The following LRGUK variants were observed in gnomAD, a reference collection of about 807,000 sequenced individuals.
LRGUK encodes leucine rich repeats and guanylate kinase domain containing.
In LRGUK, 65 loss-of-function variants were observed where a neutral mutation model predicts 76.0. That is an observed-to-expected ratio of 0.85 (90% CI 0.70 to 1.05). The LOEUF (loss-of-function observed/expected upper bound fraction) is 1.05, where lower values mean the gene tolerates loss of function less well. LRGUK is among the 50% of genes least tolerant of loss of function. The pLI is 0.00. For synonymous variants in LRGUK, 268 were observed against 265.6 expected (o/e 1.01, Z -0.09); for missense variants, 758 against 732.8 (o/e 1.03, Z -0.40).
At chr7:134,127,426 T>C in exon 1 of LRGUK, 1 of 1,613,232 alleles carries the variant, frequency 6.2e-7, no homozygotes, top group South Asian at 1.1e-5. Flanking sequence ...CTGAGAGGCT[T>C]GGGCAGATCC....
chr7:134,244,483 G>A (rs1323720312), intron 16 of LRGUK, among the ~76,000 whole-genome samples: 1 of 152,132 alleles, frequency 6.6e-6, no homozygotes, highest in Admixed American at 6.5e-5. Flanking sequence ...TCAGAGAAAT[G>A]CAAATCAAAA....
chr7:134,137,103 G>A, exon 2 of LRGUK: 1 of 1,612,486 alleles, frequency 6.2e-7, no homozygotes, highest in South Asian at 1.1e-5. Flanking sequence ...CTGGGACTGA[G>A]CAAGTCTACC....
At chr7:134,156,258 G>A (rs190899242) in intron 5 of LRGUK, among the ~76,000 whole-genome samples, 1 of 151,084 alleles carries the variant, frequency 6.6e-6, no homozygotes, top group Non-Finnish European at 1.5e-5. Context: ...GGGCATATTC[G>A]TTGTCCGTTT....
chr7:134,265,398 G>C (rs560175633), downstream of LRGUK, among the ~76,000 whole-genome samples: 1 of 152,138 alleles, frequency 6.6e-6, no homozygotes, highest in African/African-American at 2.4e-5. Flanking sequence ...CAGAGCCTGA[G>C]TAACAACATG....
intron 18 of LRGUK, among the ~76,000 whole-genome samples, chr7:134,251,248 C>A (rs1802438925): frequency 6.6e-6 from 1 of 151,992 alleles, no homozygotes; most frequent in East Asian, 1.9e-4. Context: ...ATAAGGCTGT[C>A]CTTGTAAAAA....
intron 16 of LRGUK, among the ~76,000 whole-genome samples, chr7:134,236,834 A>G (rs1178851220): frequency 1.3e-5 from 2 of 152,184 alleles, no homozygotes; most frequent in African/African-American, 4.8e-5. Context: ...CAGAAATTTA[A>G]AAGAAGCTAG....
chr7:134,211,450 C>T (rs1159190139), downstream of LRGUK, among the ~76,000 whole-genome samples: 1 of 152,200 alleles, frequency 6.6e-6, no homozygotes, highest in African/African-American at 2.4e-5. Context: ...ACTTTTGAGA[C>T]AGGAAGACTT....
Position 134,134,464 on chromosome 7 carries a change from A to G in LRGUK, c.298-2559A>G, listed in dbSNP as rs527727457. Among the ~76,000 whole-genome samples, 5 of 152,272 alleles carry G rather than the reference A, an allele frequency of 3.3e-5. No individual in the cohort carries two copies. In the South Asian group the frequency reaches 1.0e-3, roughly 32 times the overall value. ...GAGCTTGAAAATGACCAAAGATCGG[A>G]AGGAGAGACATGATACTGCCAAATG... is the stretch of plus-strand genomic sequence containing the variant. On this transcript the variant is annotated intron_variant, in intron 1 of 15. Coordinates refer to ENST00000645682, the Ensembl canonical transcript of LRGUK.
intron 2 of LRGUK, among the ~76,000 whole-genome samples, chr7:134,139,090 G>A (rs1797653359): frequency 6.6e-6 from 1 of 151,822 alleles, no homozygotes; most frequent in African/African-American, 2.4e-5. Context: ...TCTTCTACTA[G>A]GTAAAGGCCT....
chr7:134,196,262 C>A lies in LRGUK; in HGVS notation c.1432-730C>A, dbSNP rs562829661. On this transcript the variant is annotated intron_variant, in intron 12 of 15. Coordinates refer to ENST00000645682, the Ensembl canonical transcript of LRGUK. The stretch of plus-strand genomic sequence containing the variant: ...AATATAGTATTGCCAAAGAAAAAAT[C>A]ACAGACAATTTTAAGAGACATCTTT... Among the ~76,000 whole-genome samples, 7 of 152,194 alleles carry A rather than the reference C, an allele frequency of 4.6e-5. 1 individual carries two copies. In the East Asian group the frequency reaches 9.6e-4, roughly 21 times the overall value.
chr7:134,203,003 G>A (rs540691058), intron 15 of LRGUK, among the ~76,000 whole-genome samples: 1 of 152,252 alleles, frequency 6.6e-6, no homozygotes, highest in East Asian at 1.9e-4. Flanking sequence ...AGGAGATAGA[G>A]ATCATCCTGG....
intron 15 of LRGUK, among the ~76,000 whole-genome samples, chr7:134,205,169 C>T (rs999146106): frequency 1.3e-5 from 2 of 152,152 alleles, no homozygotes; most frequent in Non-Finnish European, 2.9e-5. Flanking sequence ...ATCAGAGTGC[C>T]CTTTTTTCAA....
At chr7:134,228,666 A>T (rs965537373) in intron 16 of LRGUK, among the ~76,000 whole-genome samples, 3 of 152,220 alleles carry the variant, frequency 2.0e-5, no homozygotes, top group African/African-American at 7.2e-5. Context: ...TAGAAATTAA[A>T]AATGAAACTA....
At chr7:134,249,338 C>T (rs1802389636) in intron 18 of LRGUK, among the ~76,000 whole-genome samples, 2 of 152,100 alleles carry the variant, frequency 1.3e-5, no homozygotes, top group African/African-American at 4.8e-5. Flanking sequence ...AGAGGCTATT[C>T]AAGTCACCAG....
Position 134,175,178 on chromosome 7 carries a change from C to T in LRGUK, c.1020+542C>T, listed in dbSNP as rs1200671168. On this transcript the variant is annotated intron_variant, in intron 8 of 15. Transcript: ENST00000645682. Reference sequence around the variant, plus strand: ...CTTCACACCTCTGGGACTGAAGGATCAGGGAGTGTTTCAAGTCCTTCTCTT... The same window carrying T: ...CTTCACACCTCTGGGACTGAAGGATTAGGGAGTGTTTCAAGTCCTTCTCTT... 3.9e-5 allele frequency among the ~76,000 whole-genome samples: 6 copies of T among 152,248 alleles called. No individual in the cohort carries two copies. In the East Asian group the frequency reaches 9.7e-4, roughly 25 times the overall value.
chr7:134,263,895 C>T lies in LRGUK; in HGVS notation c.2398C>T (p.Gln800Ter). 1 of 1,612,478 alleles carries T rather than the reference C, an allele frequency of 6.2e-7. No individual in the cohort carries two copies. The highest frequency in any genetic ancestry group is 2.2e-5 in the East Asian group (1 of 44,730). Residue 800 changes from glutamine to a stop codon, truncating the protein, a stop_gained, in exon 20 of 20, where the codon CAA becomes TAA. Transcript: ENST00000285928. LOFTEE classifies it low-confidence loss of function (END_TRUNC). ...TGAAAAAGAGTCTCACCAACACAGACAACACTCGGTCCCAGTCATCAGTCG... is the reference window on the plus strand; with the variant it reads ...TGAAAAAGAGTCTCACCAACACAGATAACACTCGGTCCCAGTCATCAGTCG...
chr7:134,129,342 C>T (rs1168342878), intron 1 of LRGUK, among the ~76,000 whole-genome samples: 2 of 97,380 alleles, frequency 2.1e-5, no homozygotes, highest in Non-Finnish European at 4.3e-5. Flanking sequence ...CCCTTCCTCC[C>T]TCCCCTCTAC....
chr7:134,219,433 T>C (rs1202450500), intron 15 of LRGUK, among the ~76,000 whole-genome samples: 1 of 152,234 alleles, frequency 6.6e-6, no homozygotes, highest in Non-Finnish European at 1.5e-5. Context: ...AGGCAACTTA[T>C]GTCTTAGAAA....
chr7:134,222,685 C>T (rs1040438922), intron 16 of LRGUK, among the ~76,000 whole-genome samples: 12 of 151,488 alleles, frequency 7.9e-5, no homozygotes, highest in African/African-American at 2.7e-4. Flanking sequence ...ATCCGCTCAT[C>T]GCAACCTCCG....
Sources: gnomAD v4.1 joint callset for allele counts (sites outside exome capture counted in the v4.1 genomes callset) on GRCh38, gnomAD v4.1.1 for gene constraint, MANE v1.5 for transcripts, NCBI Gene and HGNC (gene_info 2026-07-23, HGNC 2026-07-21) for gene names.